ABI2: variants seen among roughly 807,000 people sequenced by gnomAD.
ABI2 encodes abelson interactor 2.
ABI2 carries 25 observed loss-of-function variants against 59.2 expected under a neutral mutation model. The observed-to-expected ratio is 0.42, with a 90% confidence interval of 0.31 to 0.59. The LOEUF is 0.59. ABI2 is among the 20% of genes least tolerant of loss of function. The pLI is 0.14. For synonymous variants in ABI2, 213 were observed against 235.5 expected, an observed-to-expected ratio of 0.90 and a Z score of 0.87; for missense variants, 545 against 681.8, an observed-to-expected ratio of 0.80 and a Z score of 2.23.
At chr2:203,385,490 T>C (rs946981374) in intron 4 of ABI2, among the ~76,000 whole-genome samples, 3 of 152,210 alleles carry the variant, frequency 2.0e-5, no homozygotes, top group Non-Finnish European at 2.9e-5. Flanking sequence ...ATTAAGAATA[T>C]AATACTTTTA....
chr2:203,374,670 C>CT, intron 2 of ABI2: 1 of 329,544 alleles, frequency 3.0e-6, no homozygotes, highest in Non-Finnish European at 6.4e-6. Flanking sequence ...CTGTTAGTAA[C>CT]TAATTTGTTT....
chr2:203,352,456 A>G (rs2152766137), intron 1 of ABI2, among the ~76,000 whole-genome samples: 1 of 152,236 alleles, frequency 6.6e-6, no homozygotes, highest in Admixed American at 6.5e-5. Flanking sequence ...GCCTGTGATG[A>G]CCTTCCAGTG....
intron 1 of ABI2, among the ~76,000 whole-genome samples, chr2:203,337,179 G>A (rs532553383): frequency 4.6e-5 from 7 of 152,110 alleles, no homozygotes; most frequent in Admixed American, 1.3e-4. Flanking sequence ...TAAACAAAAG[G>A]CATCAAAATT....
chr2:203,415,746 TA>T (rs2097864907), intron 10 of ABI2, among the ~76,000 whole-genome samples: 1 of 151,966 alleles, frequency 6.6e-6, no homozygotes, highest in African/African-American at 2.4e-5. Flanking sequence ...AAATAAGAAT[TA>T]GTGCTGTTCA....
chr2:203,363,947 A>G (rs1162084273), intron 1 of ABI2, among the ~76,000 whole-genome samples: 1 of 151,252 alleles, frequency 6.6e-6, no homozygotes, highest in Non-Finnish European at 1.5e-5. Flanking sequence ...TATTTTTAGT[A>G]GAGACGGGGT....
intron 1 of ABI2, among the ~76,000 whole-genome samples, chr2:203,358,895 T>G (rs913861061): frequency 6.6e-6 from 1 of 152,152 alleles, no homozygotes; most frequent in Non-Finnish European, 1.5e-5. Context: ...GTCTGTAATC[T>G]TAGCTGCTCC....
At chr2:203,398,821 T>A (rs1418979823) in intron 8 of ABI2, among the ~76,000 whole-genome samples, 1 of 152,162 alleles carries the variant, frequency 6.6e-6, no homozygotes, top group Non-Finnish European at 1.5e-5. Flanking sequence ...GCTTTTTTGA[T>A]CTGTTTTTTT....
At chr2:203,416,200 T>C (rs575833594) in intron 10 of ABI2, among the ~76,000 whole-genome samples, 1 of 152,376 alleles carries the variant, frequency 6.6e-6, no homozygotes, top group Non-Finnish European at 1.5e-5. Flanking sequence ...TTTTCAGTGT[T>C]AGTATTTCTG....
chr2:203,351,698 G>T, intron 1 of ABI2: 1 of 313,762 alleles, frequency 3.2e-6, no homozygotes, highest in Non-Finnish European at 6.2e-6. Flanking sequence ...ACTGTGCCCG[G>T]CTGATTTTCG....
At chr2:203,392,987 C>A (rs2096829035) in intron 5 of ABI2, among the ~76,000 whole-genome samples, 1 of 150,730 alleles carries the variant, frequency 6.6e-6, no homozygotes, top group African/African-American at 2.4e-5. Context: ...TAAAAAAAAT[C>A]TTATTTGTGT....
At chr2:203,347,712 C>G (rs1264777361) in intron 1 of ABI2, among the ~76,000 whole-genome samples, 1 of 152,142 alleles carries the variant, frequency 6.6e-6, no homozygotes, top group African/African-American at 2.4e-5. Flanking sequence ...GTGTATTATA[C>G]GACACATAAC....
At chr2:203,359,213 A>G (rs80168790) in intron 1 of ABI2, among the ~76,000 whole-genome samples, 7 of 152,328 alleles carry the variant, frequency 4.6e-5, no homozygotes, top group African/African-American at 7.2e-5. Context: ...GTGATCTGCT[A>G]TGACAGATTA....
chr2:203,393,682 A>G (rs1438527219), intron 5 of ABI2, among the ~76,000 whole-genome samples: 1 of 152,226 alleles, frequency 6.6e-6, no homozygotes, highest in African/African-American at 2.4e-5. Flanking sequence ...TAGTTAAAGG[A>G]ACTCTGGGAT....
intron 10 of ABI2, among the ~76,000 whole-genome samples, chr2:203,415,947 A>G (rs1250221865): frequency 6.6e-6 from 1 of 152,260 alleles, no homozygotes; most frequent in Non-Finnish European, 1.5e-5. Context: ...CTCTGATAGT[A>G]CACTTGGACA....
intron 1 of ABI2, among the ~76,000 whole-genome samples, chr2:203,338,932 A>G (rs867390510): frequency 0.18 from 3,128 of 17,558 alleles, 311 homozygotes; most frequent in African/African-American, 0.4. Context: ...GTGTGTGTAT[A>G]TGTATATATA....
At chr2:203,366,790 A>T in intron 1 of ABI2, 87 bp from the exon 2 acceptor site, 1 of 1,328,166 alleles carries the variant, frequency 7.5e-7, no homozygotes, top group Non-Finnish European at 1.0e-6. Context: ...ACTCAGCAGA[A>T]TCGTTGTGAT....
intron 1 of ABI2, among the ~76,000 whole-genome samples, chr2:203,338,981 TAAATATATATATATATATATATATATAA>T (rs2078166532): frequency 8.9e-5 from 1 of 11,284 alleles, no homozygotes; most frequent in African/African-American, 2.5e-4. Flanking sequence ...TATATATATA[TAAATATATATATATATATATATATATAA>T]AGGATTCATA....
intron 1 of ABI2, among the ~76,000 whole-genome samples, chr2:203,357,572 A>T (rs1576768674): frequency 6.6e-6 from 1 of 152,162 alleles, no homozygotes; most frequent in Non-Finnish European, 1.5e-5. Flanking sequence ...TATCAAGTTA[A>T]CCTGCCTCAG....
At chr2:203,402,839 C>A in intron 9 of ABI2, 105 bp downstream of exon 9, 2 of 861,006 alleles carry the variant, frequency 2.3e-6, no homozygotes, top group Admixed American at 3.6e-5. Context: ...TGGTTAGCAC[C>A]ATTTGTTGAA....
Sources: allele counts gnomAD v4.1 joint callset (sites outside exome capture counted in the v4.1 genomes callset), GRCh38; gene constraint gnomAD v4.1.1; transcripts MANE v1.5; gene names NCBI Gene and HGNC (gene_info 2026-07-23, HGNC 2026-07-21).